Variants in DLC1 observed in about 807,000 individuals in gnomAD.
DLC1 encodes the protein DLC1 Rho GTPase activating protein.
In DLC1, 54 loss-of-function variants were observed where a neutral mutation model predicts 140.3. The ratio of observed to expected loss-of-function variants is 0.38; its 90% CI spans 0.31 to 0.48. The LOEUF (loss-of-function observed/expected upper bound fraction) is 0.48, where lower values mean the gene tolerates loss of function less well. DLC1 is among the 20% of genes least tolerant of loss of function. DLC1 has a pLI of 0.96. For missense variants in DLC1, 2,536 were observed against 1,907.0 expected (o/e 1.33, Z -6.14); for synonymous variants, 986 against 728.1 (o/e 1.35, Z -5.70).
chr8:13,094,362 CTT>C (rs1479144296), intron 12 of DLC1, among the ~76,000 whole-genome samples: 3 of 152,178 alleles, frequency 2.0e-5, no homozygotes, highest in African/African-American at 7.2e-5. Flanking sequence ...TGCAGACTCT[CTT>C]GTCAAAAGAA....
chr8:13,221,411 C>A lies in DLC1; in HGVS notation c.1348+83858G>T, dbSNP rs1242449402. On this transcript the variant is annotated intron_variant, in intron 5 of 17. Transcript: ENST00000276297. ...TTTGAGACGGAGCCTTGCTCTGTCA[C>A]CCAGGCTGGAGTGCAGTGGTGCAAT... is the stretch of plus-strand genomic sequence containing the variant. Among the ~76,000 whole-genome samples the A allele has an allele frequency of 4.0e-5, 6 of 151,268 alleles. No homozygotes were observed. In the East Asian group the frequency reaches 1.2e-3, roughly 29 times the overall value.
At chr8:13,324,019 G>A (rs1833232673) in intron 4 of DLC1, among the ~76,000 whole-genome samples, 1 of 152,176 alleles carries the variant, frequency 6.6e-6, no homozygotes, top group African/African-American at 2.4e-5. Context: ...TCCAGGAGGT[G>A]CCACTGAGCC....
intron 5 of DLC1, among the ~76,000 whole-genome samples, chr8:13,147,239 A>G (rs1400607222): frequency 6.6e-6 from 1 of 152,212 alleles, no homozygotes; most frequent in East Asian, 1.9e-4. Flanking sequence ...GATCTCACCC[A>G]AAACTCTGAC....
At chr8:13,301,765 C>G (rs981579286) in intron 5 of DLC1, among the ~76,000 whole-genome samples, 1 of 152,202 alleles carries the variant, frequency 6.6e-6, no homozygotes, top group Admixed American at 6.5e-5. Flanking sequence ...CGTCTGAGCT[C>G]TGGCTCTTGT....
At chr8:13,110,414 A>G (rs528796933) in intron 7 of DLC1, among the ~76,000 whole-genome samples, 1 of 152,294 alleles carries the variant, frequency 6.6e-6, no homozygotes, top group Non-Finnish European at 1.5e-5. Flanking sequence ...TCCTCTGAAC[A>G]TGCTTAATTT....
chr8:13,371,548 G>A (rs1320266405), intron 4 of DLC1, among the ~76,000 whole-genome samples: 2 of 150,802 alleles, frequency 1.3e-5, no homozygotes, highest in Admixed American at 1.3e-4. Flanking sequence ...AACATGCGGT[G>A]GACTTTTGCA....
At chr8:13,271,111 C>G (rs936621286) in intron 5 of DLC1, among the ~76,000 whole-genome samples, 2 of 152,140 alleles carry the variant, frequency 1.3e-5, no homozygotes, top group African/African-American at 4.8e-5. Flanking sequence ...CTCTTTTTAT[C>G]AAAACAGTAT....
chr8:13,240,539 C>T (rs1044398232), intron 5 of DLC1, among the ~76,000 whole-genome samples: 3 of 152,186 alleles, frequency 2.0e-5, no homozygotes, highest in Non-Finnish European at 4.4e-5. Flanking sequence ...GATCCTCCCA[C>T]ATCAGCCTCC....
intron 5 of DLC1, among the ~76,000 whole-genome samples, chr8:13,206,065 G>A (rs1827650003): frequency 6.6e-6 from 1 of 152,178 alleles, no homozygotes; most frequent in African/African-American, 2.4e-5. Context: ...TAAGGATAGA[G>A]CAAAGTCATC....
rs1246371620 is a variant in DLC1 at position 13,219,050 on chromosome 8, A to C, written c.1348+86219T>G. ...TATAATTATGTGAATATAATTATAT[A>C]CGAATATAATTACGTGAATATAATT... On this transcript the variant is annotated intron_variant, in intron 5 of 17. Transcript: ENST00000276297. 1.0e-4 allele frequency among the ~76,000 whole-genome samples: 13 copies of C among 125,722 alleles called. 3 individuals are homozygous for C. Among genetic ancestry groups the C allele is most frequent in the Non-Finnish European group, 1.7e-4 (11 of 63,686 alleles). 82.5% of individuals were successfully genotyped at this position (125,722 alleles called of 152,430 possible).
intron 5 of DLC1, among the ~76,000 whole-genome samples, chr8:13,225,906 C>T (rs922110906): frequency 2.0e-5 from 3 of 152,058 alleles, no homozygotes; most frequent in Non-Finnish European, 2.9e-5. Context: ...TGAGCCACCG[C>T]GCCTGGCCTA....
At chr8:13,477,398 G>A (rs1800482416) in intron 2 of DLC1, among the ~76,000 whole-genome samples, 1 of 152,164 alleles carries the variant, frequency 6.6e-6, no homozygotes, top group Non-Finnish European at 1.5e-5. Context: ...GTAAGAGCCC[G>A]TGGGAGACCA....
intron 2 of DLC1, among the ~76,000 whole-genome samples, chr8:13,408,169 C>G (rs1249670343): frequency 1.3e-5 from 2 of 152,086 alleles, no homozygotes; most frequent in African/African-American, 4.8e-5. Flanking sequence ...CAACTATTTC[C>G]TGTTTGCTAG....
chr8:13,399,819 G>C (rs945863307), intron 3 of DLC1, among the ~76,000 whole-genome samples: 22 of 152,004 alleles, frequency 1.4e-4, no homozygotes, highest in African/African-American at 4.6e-4. Context: ...ACTTCTTCTG[G>C]CGTTTTCTCA....
chr8:13,323,146 C>G (rs1239994636), intron 4 of DLC1, among the ~76,000 whole-genome samples: 3 of 152,122 alleles, frequency 2.0e-5, no homozygotes, highest in Non-Finnish European at 4.4e-5. Context: ...GAATTTCTGG[C>G]ACACGGCAAC....
chr8:13,229,802 TAAC>T (rs1199294140), intron 5 of DLC1, among the ~76,000 whole-genome samples: 3 of 152,196 alleles, frequency 2.0e-5, no homozygotes, highest in Non-Finnish European at 4.4e-5. Context: ...CCCTAAAATC[TAAC>T]AATAAATTCT....
At chr8:13,430,856 T>C (rs1351559343) in intron 2 of DLC1, among the ~76,000 whole-genome samples, 1 of 152,262 alleles carries the variant, frequency 6.6e-6, no homozygotes. Context: ...ATAGATTATA[T>C]TATGCTTGAA....
Position 13,276,428 on chromosome 8 carries a change from C to T in DLC1, c.1348+28841G>A, listed in dbSNP as rs767399307. ...GCTCGCAGACGCCTTCAGCGCAGCC[C>T]GGGCGCCGCGACCATGCCTCGGTAC... On this transcript the variant is annotated intron_variant, in intron 5 of 17. Coordinates refer to ENST00000276297, the MANE Select transcript of DLC1 (RefSeq NM_182643.3). The T allele has an allele frequency of 1.7e-5, 25 of 1,433,238 alleles. No individual in the cohort carries two copies. The South Asian group carries it at 3.5e-4, about 20-fold the overall frequency. 88.8% of individuals were successfully genotyped at this position (1,433,238 alleles called of 1,614,324 possible). A position where few individuals can be genotyped will look rare whatever the true frequency, so the allele number is the denominator to read the frequency against.
Position 13,499,934 on chromosome 8 carries a change from T to C in DLC1, c.138A>G (p.Lys46=), listed in dbSNP as rs763224710. 3.7e-6 allele frequency: 6 copies of C among 1,614,008 alleles called. No homozygotes were observed. In the East Asian group the frequency reaches 8.9e-5, roughly 24 times the overall value. ...VADSLQASME[K]DATLNVDRKE... is the part of the protein sequence containing the mutation. ...TGCGGTCCACATTTAGAGTTGCATC[T>C]TTTTCCATACTTGCCTGCAAGCTGT... The change falls in exon 2 of 18, where the codon AAA becomes AAG. Residue 46 remains lysine, a synonymous_variant. Coordinates refer to ENST00000276297, the MANE Select transcript of DLC1 (RefSeq NM_182643.3).
Sources: gnomAD v4.1 joint callset for allele counts (sites outside exome capture counted in the v4.1 genomes callset) on GRCh38, gnomAD v4.1.1 for gene constraint, MANE v1.5 for transcripts, NCBI Gene and HGNC (gene_info 2026-07-23, HGNC 2026-07-21) for gene names.